RAPGEF5: variants seen among roughly 807,000 people sequenced by gnomAD.
RAPGEF5 encodes Rap guanine nucleotide exchange factor 5.
Under a neutral mutation model 125.2 loss-of-function variants are expected in RAPGEF5, and 65 were observed. The ratio of observed to expected loss-of-function variants is 0.52; its 90% CI spans 0.43 to 0.64. The LOEUF (loss-of-function observed/expected upper bound fraction) is 0.64, where lower values mean the gene tolerates loss of function less well. Ranked by LOEUF, RAPGEF5 falls within the 30% of genes least tolerant of loss-of-function variation. The pLI is 0.00. For synonymous variants in RAPGEF5, 391 were observed against 385.9 expected (o/e 1.01, Z -0.16); for missense variants, 958 against 1,048.1 (o/e 0.91, Z 1.19).
chr7:22,187,425 T>C (rs191753224), intron 11 of RAPGEF5, among the ~76,000 whole-genome samples: 328 of 152,352 alleles, frequency 2.2e-3, no homozygotes, highest in Non-Finnish European at 3.9e-3. Flanking sequence ...CTCTGCTATA[T>C]GCATTTTCTC....
At chr7:22,149,986 T>C (rs1043683592) in intron 18 of RAPGEF5, among the ~76,000 whole-genome samples, 3 of 152,190 alleles carry the variant, frequency 2.0e-5, no homozygotes, top group African/African-American at 2.4e-5. Context: ...TTGGGAATTG[T>C]ATCATTGGAT....
At chr7:22,318,086 G>A (rs571587792) in intron 1 of RAPGEF5, 49 bp from the exon 2 acceptor site, 19 of 1,471,228 alleles carry the variant, frequency 1.3e-5, no homozygotes, top group Non-Finnish European at 1.7e-5. Flanking sequence ...ATAAACTTTT[G>A]TACCAAAAAA....
chr7:22,141,263 T>C (rs932235417), intron 20 of RAPGEF5, among the ~76,000 whole-genome samples: 4 of 152,250 alleles, frequency 2.6e-5, no homozygotes, highest in African/African-American at 9.6e-5. Context: ...TTTTACTGTA[T>C]TTGTGATTTT....
intron 7 of RAPGEF5, among the ~76,000 whole-genome samples, chr7:22,232,820 T>C (rs1786091889): frequency 6.6e-6 from 1 of 152,236 alleles, no homozygotes; most frequent in Non-Finnish European, 1.5e-5. Context: ...ACTGCACTGC[T>C]TGACTATGCC....
intron 9 of RAPGEF5, among the ~76,000 whole-genome samples, chr7:22,195,413 C>T (rs374028111): frequency 8.5e-5 from 13 of 152,200 alleles, no homozygotes; most frequent in African/African-American, 9.6e-5. Flanking sequence ...TTCTTAAAAA[C>T]GAAAAATATT....
At chr7:22,159,782 A>C (rs1238450068) in intron 14 of RAPGEF5, among the ~76,000 whole-genome samples, 6 of 151,624 alleles carry the variant, frequency 4.0e-5, no homozygotes, top group Non-Finnish European at 8.8e-5. Flanking sequence ...ATTGATAAAG[A>C]AACCTCAGGG....
chr7:22,122,642 T>A, intron 25 of RAPGEF5, 121 bp from the exon 26 acceptor site: 1 of 692,146 alleles, frequency 1.4e-6, no homozygotes, highest in Middle Eastern at 2.4e-4. Flanking sequence ...TTAGTCAGAA[T>A]CCCATAAGAG....
At chr7:22,237,861 T>C (rs931140802) in intron 7 of RAPGEF5, among the ~76,000 whole-genome samples, 2 of 152,112 alleles carry the variant, frequency 1.3e-5, no homozygotes, top group African/African-American at 4.8e-5. Flanking sequence ...TGAACAAAGG[T>C]AGTCAATTCA....
At chr7:22,224,032 A>G (rs1342261142) in intron 8 of RAPGEF5, among the ~76,000 whole-genome samples, 2 of 152,316 alleles carry the variant, frequency 1.3e-5, no homozygotes, top group African/African-American at 4.8e-5. Context: ...TTCCAATGAC[A>G]TTTTATTTAT....
At chr7:22,158,105 A>G (rs1783871039) in intron 14 of RAPGEF5, among the ~76,000 whole-genome samples, 1 of 152,248 alleles carries the variant, frequency 6.6e-6, no homozygotes, top group Non-Finnish European at 1.5e-5. Context: ...CAACAGATGT[A>G]CTTTGCCTTC....
chr7:22,179,322 A>T (rs143483950), intron 11 of RAPGEF5, among the ~76,000 whole-genome samples: 1 of 152,326 alleles, frequency 6.6e-6, no homozygotes, highest in African/African-American at 2.4e-5. Context: ...AGAGTGAATG[A>T]TGTATAATTC....
intron 9 of RAPGEF5, among the ~76,000 whole-genome samples, chr7:22,195,225 T>C (rs1019080798): frequency 4.6e-5 from 7 of 152,174 alleles, no homozygotes; most frequent in African/African-American, 1.4e-4. Flanking sequence ...CCTTATTAAT[T>C]GGTTCTACAG....
chr7:22,243,116 T>C (rs181081576), intron 7 of RAPGEF5, among the ~76,000 whole-genome samples: 7 of 152,286 alleles, frequency 4.6e-5, no homozygotes, highest in Non-Finnish European at 8.8e-5. Context: ...CAGTTAATAA[T>C]TCTGAAAGCC....
rs367948789 is a variant in RAPGEF5 at position 22,291,243 on chromosome 7, T to TAA, written c.681-4_681-3dup. 185 of 1,399,662 alleles carry TAA rather than the reference T, an allele frequency of 1.3e-4. No individual in the cohort carries two copies. The highest frequency in any genetic ancestry group is 4.2e-4 in the South Asian group (30 of 71,334). 86.7% of individuals were successfully genotyped at this position (1,399,662 alleles called of 1,614,324 possible). ...GAGTCTTCAATTTTCTGATGAGACC[T>TAA]AAAAAAAAAAAAAAGAACAAATTAC... On this transcript the variant is annotated splice_polypyrimidine_tract_variant and splice_region_variant and intron_variant, in intron 5 of 25. Coordinates refer to ENST00000665637, the MANE Select transcript of RAPGEF5 (RefSeq NM_012294.5).
At chr7:22,256,800 G>C (rs997077436) in intron 7 of RAPGEF5, among the ~76,000 whole-genome samples, 1 of 152,168 alleles carries the variant, frequency 6.6e-6, no homozygotes, top group Non-Finnish European at 1.5e-5. Context: ...ACATTAGCAG[G>C]AGAATAAGCA....
At chr7:22,128,053 G>A (rs1038106151) in intron 24 of RAPGEF5, among the ~76,000 whole-genome samples, 6 of 152,012 alleles carry the variant, frequency 3.9e-5, no homozygotes, top group Admixed American at 2.0e-4. Flanking sequence ...AAGCTCTGGC[G>A]TCACATTGAT....
At chr7:22,256,029 C>T (rs931358765) in intron 7 of RAPGEF5, among the ~76,000 whole-genome samples, 1 of 152,152 alleles carries the variant, frequency 6.6e-6, no homozygotes, top group Non-Finnish European at 1.5e-5. Flanking sequence ...ACAATTCCTT[C>T]TGGGGTGATC....
At chr7:22,231,227 A>G (rs1391690247) in intron 7 of RAPGEF5, among the ~76,000 whole-genome samples, 1 of 152,194 alleles carries the variant, frequency 6.6e-6, no homozygotes, top group African/African-American at 2.4e-5. Flanking sequence ...CTGTGGGTAT[A>G]AGATGAAGAC....
chr7:22,179,720 C>A (rs1461798500), intron 11 of RAPGEF5, among the ~76,000 whole-genome samples: 2 of 152,154 alleles, frequency 1.3e-5, no homozygotes, highest in Non-Finnish European at 2.9e-5. Context: ...ACAAATGTGA[C>A]CGCCAGTTGT....
Sources: allele counts gnomAD v4.1 joint callset (sites outside exome capture counted in the v4.1 genomes callset), GRCh38; gene constraint gnomAD v4.1.1; transcripts MANE v1.5; gene names NCBI Gene and HGNC (gene_info 2026-07-23, HGNC 2026-07-21).